The following ACAD11 variants were observed in gnomAD, a reference collection of about 807,000 sequenced individuals.
ACAD11 encodes the protein acyl-Coenzyme A dehydrogenase family, member 11.
A neutral mutation model predicts 102.2 loss-of-function variants in ACAD11; 83 were observed. That is an observed-to-expected ratio of 0.81 (90% CI 0.68 to 0.97). The LOEUF is 0.97. ACAD11 is among the 50% of genes least tolerant of loss of function. The pLI, the probability that ACAD11 is intolerant of heterozygous loss-of-function variation, is 0.00. For missense variants in ACAD11, 901 were observed against 951.7 expected (o/e 0.95, Z 0.70); for synonymous variants, 324 against 319.8 (o/e 1.01, Z -0.14).
At chr3:132,591,500 A>C (rs184912403) in intron 13 of ACAD11, among the ~76,000 whole-genome samples, 2 of 152,268 alleles carry the variant, frequency 1.3e-5, no homozygotes, top group Admixed American at 1.3e-4. Flanking sequence ...AATTCCTTTG[A>C]ACCCTGGTCT....
intron 5 of ACAD11, among the ~76,000 whole-genome samples, chr3:132,632,110 G>A (rs1375053695): frequency 3.4e-5 from 5 of 148,786 alleles, no homozygotes; most frequent in African/African-American, 1.2e-4. Context: ...TTGAGACGGA[G>A]TCTCGCTCTG....
In ACAD11 at chr3:132,642,117, T is replaced by C; in HGVS notation, c.392A>G (p.Asp131Gly). 6.2e-7 allele frequency: 1 copy of C among 1,613,894 alleles called. No individual in the cohort carries two copies. The highest frequency in any genetic ancestry group is 8.5e-7 in the Non-Finnish European group (1 of 1,179,888). ...TGGGCTAAGTCCAGGAATTGTTAAATCACGGAAGATTCGACCCTATGGAAG... is the reference window on the plus strand; with the variant it reads ...TGGGCTAAGTCCAGGAATTGTTAAACCACGGAAGATTCGACCCTATGGAAG... ...MEHVQGRIFR[D>G]LTIPGLSPAE... Residue 131 changes from aspartate to glycine, a missense_variant, in exon 4 of 20, where the codon GAT becomes GGT. By Grantham distance (94) the Asp-to-Gly change is moderately conservative (BLOSUM62 -1). Transcript: ENST00000264990.
chr3:132,575,696 T>G, intron 17 of ACAD11, 76 bp downstream of exon 17: 1 of 1,559,312 alleles, frequency 6.4e-7, no homozygotes, highest in Non-Finnish European at 8.8e-7. Context: ...AGTCTGTCTC[T>G]CACAAGTAAT....
At chr3:132,564,024 A>C (rs1937142270) in intron 17 of ACAD11, among the ~76,000 whole-genome samples, 1 of 152,212 alleles carries the variant, frequency 6.6e-6, no homozygotes, top group Non-Finnish European at 1.5e-5. Flanking sequence ...AATTGATATG[A>C]TCATGTGATT....
At chr3:132,636,068 G>A (rs1294352805) in intron 5 of ACAD11, among the ~76,000 whole-genome samples, 3 of 152,022 alleles carry the variant, frequency 2.0e-5, no homozygotes, top group Non-Finnish European at 4.4e-5. Flanking sequence ...TTACTTTTCA[G>A]AATATCTGAA....
At chr3:132,644,364 T>C (rs1055408111) in intron 2 of ACAD11, among the ~76,000 whole-genome samples, 2 of 152,198 alleles carry the variant, frequency 1.3e-5, no homozygotes, top group African/African-American at 4.8e-5. Flanking sequence ...ATAAAATACT[T>C]ATTCAAATCT....
At position 132,618,728 on chromosome 3, in the gene ACAD11, A is replaced by G. The variant is rs1351861987; in HGVS notation, c.1320T>C (p.Ala440=). The G allele has an allele frequency of 1.1e-5, 17 of 1,600,448 alleles. No individual in the cohort carries two copies. The highest frequency in any genetic ancestry group is 1.4e-5 in the Non-Finnish European group (17 of 1,174,644). Residue 440 remains alanine, a synonymous_variant, in exon 11 of 20, where the codon GCT becomes GCC. Transcript: ENST00000264990. ...VEGLWNLFLP[A]VSGLSHVDYA... is the part of the protein sequence containing the mutation. ...AGTCCACGTGGCTGAGTCCGCTGAC[A>G]GCTGGCAAAAACAAGTTCCAGAGAC... is the stretch of plus-strand genomic sequence containing the variant.
intron 11 of ACAD11, among the ~76,000 whole-genome samples, chr3:132,615,938 A>G (rs1477985844): frequency 2.6e-5 from 4 of 152,206 alleles, no homozygotes; most frequent in Non-Finnish European, 5.9e-5. Flanking sequence ...GGCAAACTGG[A>G]AGACTACATA....
chr3:132,610,266 A>G (rs889982887), intron 11 of ACAD11, among the ~76,000 whole-genome samples: 19 of 152,188 alleles, frequency 1.2e-4, no homozygotes, highest in Non-Finnish European at 2.1e-4. Context: ...TGCCCACAAG[A>G]GAAAGCAGGA....
At chr3:132,639,079 T>C in intron 5 of ACAD11, among the ~76,000 whole-genome samples, 1 of 152,200 alleles carries the variant, frequency 6.6e-6, no homozygotes, top group East Asian at 1.9e-4. Context: ...TTCTCTATTC[T>C]CAGAGTTTAT....
intron 11 of ACAD11, among the ~76,000 whole-genome samples, chr3:132,612,447 A>C (rs1417905923): frequency 3.9e-5 from 6 of 152,074 alleles, no homozygotes; most frequent in South Asian, 2.1e-4. Context: ...CAACCTACAG[A>C]ATGGGAGAAA....
intron 9 of ACAD11, among the ~76,000 whole-genome samples, chr3:132,623,729 G>A (rs1939693691): frequency 6.6e-6 from 1 of 152,132 alleles, no homozygotes; most frequent in Admixed American, 6.6e-5. Context: ...ATAGCTGCAT[G>A]ACACAAAGTT....
At chr3:132,588,896 T>C (rs1439263550) in intron 13 of ACAD11, among the ~76,000 whole-genome samples, 3 of 152,200 alleles carry the variant, frequency 2.0e-5, no homozygotes, top group African/African-American at 7.2e-5. Context: ...TGCTAACAGG[T>C]AAAGAAACTG....
chr3:132,619,004 C>T (rs1242854054), intron 10 of ACAD11: 1 of 398,528 alleles, frequency 2.5e-6, no homozygotes, highest in African/African-American at 2.1e-5. Context: ...TTGGATTTGG[C>T]TGAAAAATTA....
intron 1 of ACAD11, among the ~76,000 whole-genome samples, chr3:132,655,608 T>C: frequency 6.6e-6 from 1 of 152,224 alleles, no homozygotes; most frequent in East Asian, 1.9e-4. Flanking sequence ...CTGAATGCCG[T>C]GTGCTCGAGG....
rs771168074 is a variant in ACAD11 at position 132,579,078 on chromosome 3, G to C, written c.1689-197C>G. The C allele has an allele frequency of 6.7e-6, 10 of 1,483,240 alleles. No homozygotes were observed. The African/African-American group carries it at 1.3e-4, about 19-fold the overall frequency. 91.9% of individuals were successfully genotyped at this position (1,483,240 alleles called of 1,614,324 possible). ...TGATCTGGAACAGAAACAATGATTT[G>C]AAAATAAATGAGTTGTTTGATTGAA... is the stretch of plus-strand genomic sequence containing the variant. On this transcript the variant is annotated intron_variant, in intron 14 of 19. Coordinates refer to ENST00000264990, the MANE Select transcript of ACAD11 (RefSeq NM_032169.5).
intron 5 of ACAD11, among the ~76,000 whole-genome samples, chr3:132,636,077 A>G (rs1400811026): frequency 6.6e-6 from 1 of 152,148 alleles, no homozygotes; most frequent in African/African-American, 2.4e-5. Context: ...AGAATATCTG[A>G]ACCATTTTTG....
At chr3:132,621,084 G>T (rs1482015570) in intron 9 of ACAD11, 5 of 152,134 alleles carry the variant, frequency 3.3e-5, no homozygotes, top group Non-Finnish European at 7.4e-5. Context: ...TCTAATTGGA[G>T]TCCCAGACAT....
chr3:132,560,043 C>T (rs956700623), intron 18 of ACAD11, 101 bp from the exon 19 acceptor site: 1 of 849,012 alleles, frequency 1.2e-6, no homozygotes, highest in Admixed American at 2.5e-5. Context: ...ATCCAAGTCA[C>T]CACTAAAACA....
Sources: gnomAD v4.1 joint callset for allele counts (sites outside exome capture counted in the v4.1 genomes callset) on GRCh38, gnomAD v4.1.1 for gene constraint, MANE v1.5 for transcripts, NCBI Gene and HGNC (gene_info 2026-07-23, HGNC 2026-07-21) for gene names.